The following NBEAL1 variants were observed in gnomAD, a reference collection of about 807,000 sequenced individuals.
NBEAL1 encodes neurobeachin-like protein 1.
NBEAL1 carries 273 observed loss-of-function variants against 351.3 expected under a neutral mutation model. The ratio of observed to expected loss-of-function variants is 0.78; its 90% CI spans 0.70 to 0.86. NBEAL1 has a LOEUF of 0.86. NBEAL1 is among the 40% of genes least tolerant of loss of function. The pLI, the probability that NBEAL1 is intolerant of heterozygous loss-of-function variation, is 0.00. For synonymous variants in NBEAL1, 1,050 were observed against 1,086.4 expected (o/e 0.97, Z 0.66); for missense variants, 2,961 against 3,201.3 (o/e 0.92, Z 1.81).
chr2:203,047,625 CA>C (rs2061250200), intron 3 of NBEAL1, among the ~76,000 whole-genome samples: 1 of 152,084 alleles, frequency 6.6e-6, no homozygotes, highest in Non-Finnish European at 1.5e-5. Context: ...TCTGTGGCAG[CA>C]CAGGAATTGT....
chr2:203,073,225 A>G (rs1446539043), intron 7 of NBEAL1, among the ~76,000 whole-genome samples: 3 of 152,160 alleles, frequency 2.0e-5, no homozygotes. Context: ...AAATTATGGA[A>G]TAAATTTATT....
intron 19 of NBEAL1, among the ~76,000 whole-genome samples, chr2:203,124,681 A>T (rs1019611633): frequency 1.3e-4 from 20 of 152,194 alleles, no homozygotes; most frequent in African/African-American, 4.8e-4. Flanking sequence ...GAACACTTTA[A>T]TAATTAATAA....
chr2:203,214,465 A>C (rs1030937642), intron 55 of NBEAL1, among the ~76,000 whole-genome samples: 1 of 152,234 alleles, frequency 6.6e-6, no homozygotes, highest in African/African-American at 2.4e-5. Flanking sequence ...TTACCAAAAA[A>C]AAAGTGTCAT....
In NBEAL1 at chr2:203,016,354, GA is replaced by G. The variant is rs2060680112; in HGVS notation, c.-27del. On this transcript the variant is annotated 5_prime_UTR_variant, in exon 2 of 56. Coordinates refer to ENST00000683969, the MANE Select transcript of NBEAL1 (RefSeq NM_001378026.1). ...TAGTCTTGAACATAATTTTTTTAAGGAAAACTTAAAGTGCCAGAGTGAAAGC... is the reference window on the plus strand; with the variant it reads ...TAGTCTTGAACATAATTTTTTTAAGGAAACTTAAAGTGCCAGAGTGAAAGC... 3 of 1,432,352 alleles carry G rather than the reference GA, an allele frequency of 2.1e-6. No individual in the cohort carries two copies. The highest frequency in any genetic ancestry group is 1.9e-6 in the Non-Finnish European group (2 of 1,072,768). The allele number at this position is 1,432,352 out of a possible 1,614,324, so 88.7% of individuals were successfully genotyped here.
intron 18 of NBEAL1, among the ~76,000 whole-genome samples, chr2:203,116,379 G>A (rs1430412665): frequency 6.6e-6 from 1 of 152,072 alleles, no homozygotes; most frequent in Admixed American, 6.6e-5. Context: ...ATAGTTTACT[G>A]GAAGGAAAGA....
At chr2:203,101,905 G>A (rs1285792555) in intron 12 of NBEAL1, among the ~76,000 whole-genome samples, 1 of 152,094 alleles carries the variant, frequency 6.6e-6, no homozygotes, top group African/African-American at 2.4e-5. Context: ...CAGGCAGTAT[G>A]GTTATTTTAA....
chr2:203,052,743 T>C (rs1244577169), intron 4 of NBEAL1, among the ~76,000 whole-genome samples: 1 of 151,058 alleles, frequency 6.6e-6, no homozygotes, highest in Non-Finnish European at 1.5e-5. Flanking sequence ...TATTTATTTA[T>C]TTATTTATTT....
intron 47 of NBEAL1, among the ~76,000 whole-genome samples, chr2:203,197,070 T>C (rs756859259): frequency 2.0e-5 from 3 of 152,222 alleles, no homozygotes; most frequent in Non-Finnish European, 2.9e-5. Flanking sequence ...CTACATCTCT[T>C]TTTTAAAAGC....
At chr2:203,050,064 C>T in intron 4 of NBEAL1, 89 bp downstream of exon 4, 1 of 1,219,416 alleles carries the variant, frequency 8.2e-7, no homozygotes, top group African/African-American at 1.5e-5. Context: ...GAACATCACA[C>T]ACTGGGCCTA....
chr2:203,107,567 A>G, intron 13 of NBEAL1, 41 bp from the exon 14 acceptor site: 1 of 1,543,268 alleles, frequency 6.5e-7, no homozygotes, highest in East Asian at 2.4e-5. Context: ...ATCCATTTTG[A>G]AAATGATAAC....
rs747336734 is a variant in NBEAL1, at chr2:203,126,681, G to C, written c.3110G>C (p.Arg1037Pro). 9 of 1,519,160 alleles carry C rather than the reference G, an allele frequency of 5.9e-6. No individual in the cohort carries two copies. The East Asian group carries it at 2.2e-4, about 37-fold the overall frequency. The allele number at this position is 1,519,160 out of a possible 1,614,324, so 94.1% of individuals were successfully genotyped here. A position where few individuals can be genotyped will look rare whatever the true frequency, so the allele number is the denominator to read the frequency against. ...QMYQYLLFDF[R>P]IWNRGDFPFR... ...TATCAATATTTACTCTTTGACTTTC[G>C]TATTTGGAACCGTGGAGATTTTCCC... Residue 1037 changes from arginine (R) to proline (P), a missense_variant, in exon 22 of 56, where the codon CGT (arginine) becomes CCT (proline). By Grantham distance (103) the Arg-to-Pro change is moderately radical. Coordinates refer to ENST00000683969, the MANE Select transcript of NBEAL1 (RefSeq NM_001378026.1).
chr2:203,145,797 C>CAAAAAAAAAAAAAA (rs56382460), intron 33 of NBEAL1, among the ~76,000 whole-genome samples: 5 of 86,106 alleles, frequency 5.8e-5, no homozygotes, highest in Non-Finnish European at 1.1e-4. Context: ...GACTCCATCT[C>CAAAAAAAAAAAAAA]AAAAAAAAAA....
chr2:203,190,099 G>A (rs1333176360), intron 45 of NBEAL1, among the ~76,000 whole-genome samples, 193 bp from the exon 46 acceptor site: 1 of 147,434 alleles, frequency 6.8e-6, no homozygotes, highest in African/African-American at 2.5e-5. Flanking sequence ...TCATACCACT[G>A]CACTCCAGCC....
chr2:203,068,437 C>T lies in NBEAL1; in HGVS notation c.560C>T (p.Pro187Leu), dbSNP rs1312345044. Reference protein sequence around the residue: ...TVEKSRQKYKPASLTVEFVPF... With the variant: ...TVEKSRQKYKLASLTVEFVPF... ...GAAAAGAGCAGACAGAAATATAAAC[C>T]AGCTTCTCTCACAGTGGAATTCGTC... The change falls in exon 7 of 56, where the codon CCA becomes CTA. Residue 187 changes from proline (P) to leucine (L), a missense_variant. Pro to Leu is a moderately conservative substitution (Grantham distance 98). Transcript: ENST00000683969. The T allele has an allele frequency of 2.6e-6, 4 of 1,547,098 alleles. No individual in the cohort carries two copies. In the Admixed American group the frequency reaches 5.9e-5, roughly 23 times the overall value.
intron 46 of NBEAL1, among the ~76,000 whole-genome samples, chr2:203,192,002 C>T (rs1030870571): frequency 1.3e-5 from 2 of 152,174 alleles, no homozygotes; most frequent in African/African-American, 4.8e-5. Context: ...GAATTGAAAT[C>T]GCCACAGCTA....
intron 15 of NBEAL1, among the ~76,000 whole-genome samples, chr2:203,111,759 A>G (rs2062577774): frequency 6.6e-6 from 1 of 152,236 alleles, no homozygotes; most frequent in Non-Finnish European, 1.5e-5. Flanking sequence ...GGAAATGCAG[A>G]AAAGGTACTG....
At chr2:203,129,529 A>C (rs2063024785) in intron 24 of NBEAL1, among the ~76,000 whole-genome samples, 1 of 152,150 alleles carries the variant, frequency 6.6e-6, no homozygotes, top group African/African-American at 2.4e-5. Context: ...CATTGCCAAC[A>C]ATATTTTTTT....
In NBEAL1 at chr2:203,217,991, C is replaced by A; in HGVS notation, c.*637C>A. 1.2e-6 allele frequency: 1 copy of A among 852,756 alleles called. No individual in the cohort carries two copies. The highest frequency in any genetic ancestry group is 1.4e-6 in the Non-Finnish European group (1 of 709,360). The allele number at this position is 852,756 out of a possible 1,614,324, so 52.8% of individuals were successfully genotyped here. A position where few individuals can be genotyped will look rare whatever the true frequency, so the allele number is the denominator to read the frequency against. ...AAAAATTGAGTAGAAAAAAGTGGAA[C>A]TAGAGATACATTTTACAGATGTATT... is the stretch of plus-strand genomic sequence containing the variant. On this transcript the variant is annotated 3_prime_UTR_variant, in exon 56 of 56. Transcript: ENST00000683969.
chr2:203,120,730 G>A (rs927073389), intron 18 of NBEAL1, among the ~76,000 whole-genome samples: 16 of 152,142 alleles, frequency 1.1e-4, no homozygotes, highest in African/African-American at 3.6e-4. Context: ...ATGGTCTTAA[G>A]CTGCAGTGTG....
Sources: gnomAD v4.1 joint callset for allele counts (sites outside exome capture counted in the v4.1 genomes callset) on GRCh38, gnomAD v4.1.1 for gene constraint, MANE v1.5 for transcripts, NCBI Gene and HGNC (gene_info 2026-07-23, HGNC 2026-07-21) for gene names.